NEURL4: variants seen among roughly 807,000 people sequenced by gnomAD.
The protein encoded by NEURL4 is neuralized E3 ubiquitin protein ligase 4.
Under a neutral mutation model 148.0 loss-of-function variants are expected in NEURL4, and 45 were observed. The ratio of observed to expected loss-of-function variants is 0.30; its 90% CI spans 0.24 to 0.39. The LOEUF is 0.39. NEURL4 is among the 10% of genes least tolerant of loss of function. The pLI, the probability that NEURL4 is intolerant of heterozygous loss-of-function variation, is 1.00. For synonymous variants in NEURL4, 854 were observed against 869.0 expected (o/e 0.98, Z 0.30); for missense variants, 1,776 against 2,144.0 (o/e 0.83, Z 3.39).
chr17:7,326,290 G>T lies in NEURL4; in HGVS notation c.1258C>A (p.Arg420=). 6.2e-7 allele frequency: 1 copy of T among 1,614,102 alleles called. No individual in the cohort carries two copies. Among genetic ancestry groups the T allele is most frequent in the Non-Finnish European group, 8.5e-7 (1 of 1,180,006 alleles). ...TCCAGACTGAATTCGCAGTACTCCC[G>T]GCGGGTGCCCTTGCCATTGGTCAGG... The part of the protein sequence containing the change: ...GILTNGKGTR[R]EYCEFSLDEL... The change falls in exon 6 of 29, where the codon CGG becomes AGG. Residue 420 remains arginine (R), a synonymous_variant. Transcript: ENST00000399464. This position sits in a 1 kb window ranked among gnomAD's most constrained non-coding sequence, Gnocchi z 6.0.
Position 7,329,040 on chromosome 17 carries a change from G to T in NEURL4, c.273C>A (p.Ile91=). The change falls in exon 1 of 29, where the codon ATC becomes ATA. Residue 91 remains isoleucine (I), a synonymous_variant. Coordinates refer to ENST00000399464, the MANE Select transcript of NEURL4 (RefSeq NM_032442.3). ...LRDGRVFTVR[I]DRKVNSWSGS... ...GGTACCAGCGCTGCACCTTGCGGTC[G>T]ATGCGGACGGTGAAGACGCGTCCAT... The T allele has an allele frequency of 1.9e-6, 3 of 1,578,868 alleles. No individual in the cohort carries two copies. In the Admixed American group the frequency reaches 5.3e-5, roughly 28 times the overall value.
At chr17:7,319,903 C>T (rs1333014265) in intron 21 of NEURL4, among the ~76,000 whole-genome samples, 2 of 151,678 alleles carry the variant, frequency 1.3e-5, no homozygotes, top group African/African-American at 4.8e-5. Context: ...GATCTCGGCT[C>T]ACTGCAAGCT....
Position 7,327,449 on chromosome 17 carries a change from C to T in NEURL4, c.718G>A (p.Ala240Thr), listed in dbSNP as rs79775768. The change falls in exon 2 of 29, where the codon GCA (alanine) becomes ACA (threonine). Residue 240 changes from alanine (A) to threonine (T), a missense_variant. By Grantham distance (58) the Ala-to-Thr change is moderately conservative. Coordinates refer to ENST00000399464, the MANE Select transcript of NEURL4 (RefSeq NM_032442.3). The surrounding 1 kb of genome is among the most constrained non-coding windows in gnomAD (Gnocchi z 6.6). ...DSALAEQGTS[A>T]DEAFMVSPAQ... ...CTAGCTGTGTTCTCACCTTCATCTG[C>T]AGAGGTCCCCTGTTCAGCCAAGGCA... 637 of 1,554,748 alleles carry T rather than the reference C, an allele frequency of 4.1e-4. 5 individuals are homozygous for T. The African/African-American group carries it at 7.5e-3, about 18-fold the overall frequency.
rs773542585 is a variant in NEURL4, at chr17:7,325,196, C to A, written c.1631+13G>T. Reference sequence around the variant, plus strand: ...TCCCTTCTTCAGGCTTCTCCCCACCCCATGGGCCATACTGGGGCCTCAGGG... The same window carrying A: ...TCCCTTCTTCAGGCTTCTCCCCACCACATGGGCCATACTGGGGCCTCAGGG... On this transcript the variant is annotated intron_variant, in intron 8 of 28. Transcript: ENST00000399464. The A allele has an allele frequency of 9.5e-6, 15 of 1,578,792 alleles. 1 individual carries two copies. The African/African-American group carries it at 1.5e-4, about 16-fold the overall frequency.
In NEURL4 at chr17:7,323,058, A is replaced by G. The variant is rs1200341797; in HGVS notation, c.2483T>C (p.Leu828Pro). 1 of 1,613,764 alleles carries G rather than the reference A, an allele frequency of 6.2e-7. No homozygotes were observed. The highest frequency in any genetic ancestry group is 8.5e-7 in the Non-Finnish European group (1 of 1,179,962). Residue 828 changes from leucine (L) to proline (P), a missense_variant, in exon 15 of 29, where the codon CTG becomes CCG. Leu to Pro is a moderately conservative substitution (Grantham distance 98). Coordinates refer to ENST00000399464, the MANE Select transcript of NEURL4 (RefSeq NM_032442.3). The part of the protein sequence containing the change: ...RNNYGCDLDA[L>P]GTGARIGMMR... ...CATGCCAATGCGTGCACCTGTGCCC[A>G]GCGCATCCAGGTCACACCCATAATT...
At position 7,325,250 on chromosome 17, in the gene NEURL4, C is replaced by T. The variant is rs760384836; in HGVS notation, c.1590G>A (p.Lys530=). 2.8e-5 allele frequency: 44 copies of T among 1,598,620 alleles called. 1 individual carries two copies. The South Asian group carries it at 4.7e-4, about 17-fold the overall frequency. The change falls in exon 8 of 29, where the codon AAG becomes AAA. Residue 530 remains lysine (K), a synonymous_variant. Coordinates refer to ENST00000399464, the MANE Select transcript of NEURL4 (RefSeq NM_032442.3). ...TGCGTCCCTCGTGGGTGATGGCTGCCTTCTGCCCACAGTTGGGGTGGAAGA... is the reference window on the plus strand; with the variant it reads ...TGCGTCCCTCGTGGGTGATGGCTGCTTTCTGCCCACAGTTGGGGTGGAAGA... ...RLLFHPNCGQ[K]AAITHEGRTA... is the part of the protein sequence containing the mutation.
At position 7,326,741 on chromosome 17, in the gene NEURL4, A is replaced by T. The variant is rs2073107639; in HGVS notation, c.1062T>A (p.Asn354Lys). ...DEFNNGVVMT[N>K]RPLRDNEMFE... ...ACATCTCATTGTCCCGAAGGGGGCG[A>T]TTGGTCATGACAACCCCATTGTTGA... is the stretch of plus-strand genomic sequence containing the variant. The change falls in exon 4 of 29, where the codon AAT becomes AAA. Residue 354 changes from asparagine to lysine, a missense_variant. Coordinates refer to ENST00000399464, the MANE Select transcript of NEURL4 (RefSeq NM_032442.3). The surrounding 1 kb of genome is among the most constrained non-coding windows in gnomAD (Gnocchi z 6.0). 1.9e-6 allele frequency: 3 copies of T among 1,611,974 alleles called. No homozygotes were observed. Among genetic ancestry groups the T allele is most frequent in the African/African-American group, 1.3e-5 (1 of 74,674 alleles).
At position 7,324,566 on chromosome 17, in the gene NEURL4, C is replaced by A; in HGVS notation, c.1814-86G>T. ...CAGCAGCGCCCACAGGACTCCCGAG[C>A]CCACAGTCCACCTTGCCTTTTCTTT... On this transcript the variant is annotated intron_variant, in intron 9 of 28. Coordinates refer to ENST00000399464, the MANE Select transcript of NEURL4 (RefSeq NM_032442.3). This position sits in a 1 kb window ranked among gnomAD's most constrained non-coding sequence, Gnocchi z 5.9. 7.8e-7 allele frequency: 1 copy of A among 1,289,400 alleles called. No individual in the cohort carries two copies. The highest frequency in any genetic ancestry group is 1.1e-6 in the Non-Finnish European group (1 of 893,416). 79.9% of individuals were successfully genotyped at this position (1,289,400 alleles called of 1,614,324 possible).
Position 7,320,867 on chromosome 17 carries a change from C to T in NEURL4, c.3417G>A (p.Gly1139=). 2 of 1,614,104 alleles carry T rather than the reference C, an allele frequency of 1.2e-6. No individual in the cohort carries two copies. Among genetic ancestry groups the T allele is most frequent in the East Asian group, 2.2e-5 (1 of 44,890 alleles). Residue 1139 remains glycine (G), a synonymous_variant, in exon 21 of 29, where the codon GGG becomes GGA. Coordinates refer to ENST00000399464, the MANE Select transcript of NEURL4 (RefSeq NM_032442.3). ...PTTLEFLENH[G]KNILLSNGNR... ...TCCCATTAGACAAAAGGATATTCTT[C>T]CCATGGTTCTCCAGGAACTCGAGGG...
chr17:7,318,288 C>T lies in NEURL4; in HGVS notation c.3933G>A (p.Glu1311=), dbSNP rs2072978990. 2 of 1,614,054 alleles carry T rather than the reference C, an allele frequency of 1.2e-6. No homozygotes were observed. The highest frequency in any genetic ancestry group is 1.3e-5 in the African/African-American group (1 of 74,916). The change falls in exon 24 of 29, where the codon GAG becomes GAA. Residue 1311 remains glutamate, a synonymous_variant. Transcript: ENST00000399464. This position sits in a 1 kb window ranked among gnomAD's most constrained non-coding sequence, Gnocchi z 4.3. ...GKSAGTQGDM[E]KADMVDGIKE... ...GCACACCGTCCACCATGTCTGCTTT[C>T]TCCATGTCCCCTTGGGTTCCAGCAC...
rs377751735 is a variant in NEURL4, at chr17:7,318,835, C to G, written c.3685-161G>C. 7 of 949,114 alleles carry G rather than the reference C, an allele frequency of 7.4e-6. No individual in the cohort carries two copies. In the African/African-American group the frequency reaches 8.3e-5, roughly 11 times the overall value. The allele number at this position is 949,114 out of a possible 1,614,324, so 58.8% of individuals were successfully genotyped here. Reference sequence around the variant, plus strand: ...GCAGTTACCTAGAGCCCCTCCCCTTCCCCAAAACTGGCACATTCTCAATGG... The same window carrying G: ...GCAGTTACCTAGAGCCCCTCCCCTTGCCCAAAACTGGCACATTCTCAATGG... On this transcript the variant is annotated intron_variant, in intron 22 of 28. Transcript: ENST00000399464. The surrounding 1 kb of genome is among the most constrained non-coding windows in gnomAD (Gnocchi z 4.3).
At position 7,318,321 on chromosome 17, in the gene NEURL4, A is replaced by G; in HGVS notation, c.3900T>C (p.Ser1300=). The G allele has an allele frequency of 6.2e-7, 1 of 1,614,038 alleles. No homozygotes were observed. The highest frequency in any genetic ancestry group is 8.5e-7 in the Non-Finnish European group (1 of 1,180,004). The change falls in exon 24 of 29, where the codon AGT becomes AGC. Residue 1300 remains serine (S), a synonymous_variant. Coordinates refer to ENST00000399464, the MANE Select transcript of NEURL4 (RefSeq NM_032442.3). The surrounding 1 kb of genome is among the most constrained non-coding windows in gnomAD (Gnocchi z 4.3). ...CCCCTTGGGTTCCAGCACTTTTCCCACTGGCAGCCCCTGGCTCAGGGTTCA... is the reference window on the plus strand; with the variant it reads ...CCCCTTGGGTTCCAGCACTTTTCCCGCTGGCAGCCCCTGGCTCAGGGTTCA... ...TIVNPEPGAA[S]GKSAGTQGDM...
At position 7,317,581 on chromosome 17, in the gene NEURL4, G is replaced by A; in HGVS notation, c.4206-8C>T. The A allele has an allele frequency of 6.2e-7, 1 of 1,613,192 alleles. No homozygotes were observed. On this transcript the variant is annotated splice_region_variant and splice_polypyrimidine_tract_variant and intron_variant, in intron 26 of 28. Transcript: ENST00000399464. ...TCCAGGCGGGGATTCACTCTAGGAG[G>A]TGGACAAGCGGGGCAGATACAACGA... is the stretch of plus-strand genomic sequence containing the variant.
chr17:7,325,144 T>TTGGGGGGGGGGGGGGGGGGGGG, intron 8 of NEURL4, 65 bp downstream of exon 8: 11 of 956,486 alleles, frequency 1.2e-5, no homozygotes, highest in Non-Finnish European at 1.4e-5. Context: ...TCCACTTCCT[T>TTGGGGGGGGGGGGGGGGGGGGG]GCCCCGCCCC....
In NEURL4 at chr17:7,323,816, GT is replaced by G; in HGVS notation, c.2258del (p.Asn753ThrfsTer29). On this transcript the variant is annotated frameshift_variant, in exon 12 of 29. Transcript: ENST00000399464. LOFTEE classifies it high-confidence loss of function. ...GACATGAAAGTTGAGAGACTGACCG[GT>G]TGGAGATGACGATGGCGTCATTAAA... ...SEFNDAIVIS[N>X]RALRDGELFE... 1 of 1,614,132 alleles carries G rather than the reference GT, an allele frequency of 6.2e-7. No individual in the cohort carries two copies. The highest frequency in any genetic ancestry group is 1.3e-5 in the African/African-American group (1 of 75,058).
Position 7,318,329 on chromosome 17 carries a change from C to A in NEURL4, c.3892G>T (p.Ala1298Ser). Residue 1298 changes from alanine to serine, a missense_variant, in exon 24 of 29, where the codon GCT becomes TCT. By Grantham distance (99) the Ala-to-Ser change is moderately conservative (BLOSUM62 1). Coordinates refer to ENST00000399464, the MANE Select transcript of NEURL4 (RefSeq NM_032442.3). This position sits in a 1 kb window ranked among gnomAD's most constrained non-coding sequence, Gnocchi z 4.3. ...GTTCCAGCACTTTTCCCACTGGCAG[C>A]CCCTGGCTCAGGGTTCACGATTGTC... The part of the protein sequence containing the change: ...QVTIVNPEPG[A>S]ASGKSAGTQG... 5.0e-6 allele frequency: 8 copies of A among 1,614,106 alleles called. No homozygotes were observed. Among genetic ancestry groups the A allele is most frequent in the Non-Finnish European group, 6.8e-6 (8 of 1,179,996 alleles).
Position 7,318,177 on chromosome 17 carries a change from G to A in NEURL4, c.3953-5C>T, listed in dbSNP as rs753038045. 2 of 1,613,614 alleles carry A rather than the reference G, an allele frequency of 1.2e-6. No homozygotes were observed. The highest frequency in any genetic ancestry group is 2.7e-5 in the African/African-American group (2 of 74,922). ...AGCACACACTCTCTTTGATACCTGA[G>A]GGAGCAGAGGGGCACAGGTCACAGG... On this transcript the variant is annotated splice_region_variant and splice_polypyrimidine_tract_variant and intron_variant, in intron 24 of 28. Transcript: ENST00000399464. The surrounding 1 kb of genome is among the most constrained non-coding windows in gnomAD (Gnocchi z 4.3).
chr17:7,328,966 C>T, intron 1 of NEURL4, 65 bp downstream of exon 1: 1 of 1,436,546 alleles, frequency 7.0e-7, no homozygotes, highest in South Asian at 1.5e-5. Context: ...GCTGTCCTAC[C>T]CCGTCTCCCT....
intron 8 of NEURL4, 78 bp from the exon 9 acceptor site, chr17:7,325,058 C>A: frequency 6.4e-7 from 1 of 1,569,086 alleles, no homozygotes; most frequent in South Asian, 1.1e-5. Context: ...GCAATGCCTG[C>A]CAACACTCAC....
Sources: gnomAD v4.1 joint callset for allele counts (sites outside exome capture counted in the v4.1 genomes callset) on GRCh38, gnomAD v4.1.1 for gene constraint, Gnocchi (gnomAD v3.1) non-coding constraint, MANE v1.5 for transcripts, NCBI Gene and HGNC (gene_info 2026-07-23, HGNC 2026-07-21) for gene names.